The following RYR1 variants were observed in gnomAD, a reference collection of about 807,000 sequenced individuals.
The protein encoded by RYR1 is ryanodine receptor 1, also known as central core disease of muscle.
In RYR1, 342 loss-of-function variants were observed where a neutral mutation model predicts 583.5. The ratio of observed to expected loss-of-function variants is 0.59; its 90% CI spans 0.54 to 0.64. The LOEUF (loss-of-function observed/expected upper bound fraction) is 0.64. Ranked by LOEUF, RYR1 falls within the 30% of genes least tolerant of loss-of-function variation. The pLI is 0.00. For missense variants in RYR1, 6,032 were observed against 6,917.2 expected (o/e 0.87, Z 4.54); for synonymous variants, 2,791 against 2,822.5 (o/e 0.99, Z 0.35).
chr19:38,580,860 T>C (rs924195054), intron 101 of RYR1, among the ~76,000 whole-genome samples: 3 of 150,886 alleles, frequency 2.0e-5, no homozygotes, highest in Non-Finnish European at 4.4e-5. Context: ...AAAATGAAAA[T>C]AGTACCTACA....
chr19:38,528,474 A>G, intron 74 of RYR1, 56 bp downstream of exon 74: 2 of 1,601,372 alleles, frequency 1.2e-6, no homozygotes, highest in South Asian at 2.2e-5. Context: ...GGGTGGCTGG[A>G]GAGTCTGGAG....
chr19:38,538,837 T>G (rs1393828947), intron 84 of RYR1, among the ~76,000 whole-genome samples: 2 of 152,210 alleles, frequency 1.3e-5, no homozygotes, highest in East Asian at 3.8e-4. Context: ...TGATGAGAAA[T>G]GCAGTCTCAT....
chr19:38,547,235 T>G (rs1333785979), intron 88 of RYR1, among the ~76,000 whole-genome samples: 2 of 148,702 alleles, frequency 1.3e-5, no homozygotes, highest in African/African-American at 2.5e-5. Context: ...GTATTTTTAG[T>G]AGAGACGGGG....
In RYR1 at chr19:38,467,664, A is replaced by C. The variant is rs768038209; in HGVS notation, c.3233A>C (p.Lys1078Thr). 1 of 1,614,222 alleles carries C rather than the reference A, an allele frequency of 6.2e-7. No individual in the cohort carries two copies. Among genetic ancestry groups the C allele is most frequent in the Non-Finnish European group, 8.5e-7 (1 of 1,180,042 alleles). ...CDRVRIFRAE[K>T]SYTVQSGRWY... ...CGGGTGCGCATCTTCCGGGCAGAGAAATCCTATACAGTGCAGAGCGGCCGC... is the reference window on the plus strand; with the variant it reads ...CGGGTGCGCATCTTCCGGGCAGAGACATCCTATACAGTGCAGAGCGGCCGC... The change falls in exon 25 of 106, where the codon AAA (lysine) becomes ACA (threonine). Residue 1078 changes from lysine to threonine, a missense_variant. Physicochemically the swap from Lys to Thr is moderately conservative, Grantham distance 78. Around this residue, in one of 11 missense-constraint regions of RYR1, gnomAD observed 2,627 missense variants for 2,961.3 expected, o/e 0.89. Coordinates refer to ENST00000359596, the MANE Select transcript of RYR1 (RefSeq NM_000540.3).
chr19:38,585,062 CT>C lies in RYR1; in HGVS notation c.14768del (p.Phe4923SerfsTer14). 6.2e-7 allele frequency: 1 copy of C among 1,614,022 alleles called. No individual in the cohort carries two copies. Among genetic ancestry groups the C allele is most frequent in the Non-Finnish European group, 8.5e-7 (1 of 1,179,980 alleles). On this transcript the variant is annotated frameshift_variant, in exon 102 of 106. Transcript: ENST00000359596. LOFTEE classifies it high-confidence loss of function. ...GGGTGGTCTTCGACATCACCTTCTT[CT>C]TCTTCGTCATCGTCATCCTGTTGGC... ...YRVVFDITFFFFVIVILLAII... is the reference protein window; with the variant it reads ...YRVVFDITFFXFVIVILLAII...
At chr19:38,485,543 A>G (rs377045685) in intron 33 of RYR1, 47 bp from the exon 34 acceptor site, 3 of 1,602,398 alleles carry the variant, frequency 1.9e-6, no homozygotes, top group African/African-American at 2.7e-5. Context: ...TGACTGATGC[A>G]GGAGGCTCAT....
chr19:38,493,865 C>T (rs1008860721), intron 38 of RYR1, among the ~76,000 whole-genome samples: 1 of 152,132 alleles, frequency 6.6e-6, no homozygotes, highest in Non-Finnish European at 1.5e-5. Context: ...TGACATGTGC[C>T]TTCAAAGGTG....
Position 38,494,588 on chromosome 19 carries a change from G to A in RYR1, c.6511G>A (p.Gly2171Ser), listed in dbSNP as rs778313936. Reference sequence around the variant, plus strand: ...CCGCTCGCTGCTCATCGTGCAGATGGGCCCCCAGGAGGAGAACCTCATGAT... The same window carrying A: ...CCGCTCGCTGCTCATCGTGCAGATGAGCCCCCAGGAGGAGAACCTCATGAT... Reference protein sequence around the residue: ...QIRSLLIVQMGPQEENLMIQS... With the variant: ...QIRSLLIVQMSPQEENLMIQS... The change falls in exon 39 of 106, where the codon GGC becomes AGC. Residue 2171 changes from glycine (G) to serine (S), a missense_variant. Physicochemically the swap from Gly to Ser is moderately conservative, Grantham distance 56. This residue lies in a region of RYR1 where 2,627 missense variants were observed against 2,961.3 expected (regional missense o/e 0.89). Transcript: ENST00000359596. 1.2e-6 allele frequency: 2 copies of A among 1,614,130 alleles called. No homozygotes were observed. The highest frequency in any genetic ancestry group is 1.7e-6 in the Non-Finnish European group (2 of 1,180,034).
rs193922774 is a variant in RYR1 at position 38,460,469 on chromosome 19, C to T, written c.2455C>T (p.Arg819Ter). 3 of 1,614,216 alleles carry T rather than the reference C, an allele frequency of 1.9e-6. No homozygotes were observed. Among genetic ancestry groups the T allele is most frequent in the Admixed American group, 1.7e-5 (1 of 60,026 alleles). Residue 819 changes from arginine to a stop codon, truncating the protein, a stop_gained, in exon 20 of 106, where the codon CGA becomes TGA. Coordinates refer to ENST00000359596, the MANE Select transcript of RYR1 (RefSeq NM_000540.3). LOFTEE classifies it high-confidence loss of function. ...PCHEAVLPRE[R>*]LHLEPIKEYR... ...CCATGAGGCTGTGCTCCCTCGAGAG[C>T]GACTCCATCTTGAACCCATCAAGGA...
chr19:38,546,921 C>T (rs1447379781), intron 88 of RYR1, among the ~76,000 whole-genome samples: 1 of 149,928 alleles, frequency 6.7e-6, no homozygotes, highest in African/African-American at 2.5e-5. Context: ...CACTGCACTC[C>T]AGCCTGGGTG....
chr19:38,437,590 C>T lies in RYR1; in HGVS notation c.46-3155C>T, dbSNP rs144621518. 1.7e-3 allele frequency among the ~76,000 whole-genome samples: 255 copies of T among 152,106 alleles called. 4 individuals are homozygous for T. Among genetic ancestry groups the T allele is most frequent in the Middle Eastern group, 6.8e-3 (2 of 294 alleles). On this transcript the variant is annotated intron_variant, in intron 1 of 105. Coordinates refer to ENST00000359596, the MANE Select transcript of RYR1 (RefSeq NM_000540.3). ...TTCGCTTTGGGAGGCTGAAGCAGGACGATTGCTTGAGGCCGGGAGTTCAAA... is the reference window on the plus strand; with the variant it reads ...TTCGCTTTGGGAGGCTGAAGCAGGATGATTGCTTGAGGCCGGGAGTTCAAA...
rs1974421018 is a variant in RYR1, at chr19:38,585,235, C to T, written c.14803+136C>T. On this transcript the variant is annotated intron_variant, in intron 102 of 105. Transcript: ENST00000359596. ...CTACTGTGAGACCTTGGGCAAGTCA[C>T]CTCTCGGGGCCTCCGTTTCTCCATC... The T allele has an allele frequency of 5.0e-6, 5 of 1,003,126 alleles. No individual in the cohort carries two copies. In the East Asian group the frequency reaches 1.1e-4, roughly 21 times the overall value. The allele number at this position is 1,003,126 out of a possible 1,614,324, so 62.1% of individuals were successfully genotyped here.
intron 101 of RYR1, among the ~76,000 whole-genome samples, chr19:38,582,751 C>T (rs1974272708): frequency 2.0e-5 from 3 of 152,040 alleles, no homozygotes; most frequent in Non-Finnish European, 1.5e-5. Context: ...CAAATTGATG[C>T]GAACTTACTA....
rs1039091221 is a variant in RYR1 at position 38,561,718 on chromosome 19, A to G, written c.12624+264A>G. On this transcript the variant is annotated intron_variant, in intron 90 of 105. Transcript: ENST00000359596. This position sits in a 1 kb window ranked among gnomAD's most constrained non-coding sequence, Gnocchi z 4.8. ...CATGAAGCAGGGTCAGTGTGTCCTG[A>G]CTGTGGCTGCTCACACGCCATGCTT... Among the ~76,000 whole-genome samples the G allele has an allele frequency of 6.6e-6, 1 of 152,078 alleles. No individual in the cohort carries two copies. The highest frequency in any genetic ancestry group is 2.4e-5 in the African/African-American group (1 of 41,396).
At position 38,511,998 on chromosome 19, in the gene RYR1, G is replaced by A. The variant is rs535780044; in HGVS notation, c.9173-74G>A. On this transcript the variant is annotated intron_variant, in intron 61 of 105. Coordinates refer to ENST00000359596, the MANE Select transcript of RYR1 (RefSeq NM_000540.3). Reference sequence around the variant, plus strand: ...GTAGCCTCAGGAAGAGAGCGGTTGGGGTGGATGTAGAGGGAGGCACTGTCC... The same window carrying A: ...GTAGCCTCAGGAAGAGAGCGGTTGGAGTGGATGTAGAGGGAGGCACTGTCC... 9 of 1,516,440 alleles carry A rather than the reference G, an allele frequency of 5.9e-6. No individual in the cohort carries two copies. In the East Asian group the frequency reaches 1.9e-4, roughly 31 times the overall value. 93.9% of individuals were successfully genotyped at this position (1,516,440 alleles called of 1,614,324 possible).
At chr19:38,502,765 G>GGGCAGA (rs1555784511) in intron 48 of RYR1, 38 bp downstream of exon 48, 4 of 813,812 alleles carry the variant, frequency 4.9e-6, no homozygotes, top group Middle Eastern at 3.7e-4. Context: ...GCAGGGGCAG[G>GGGCAGA]GGCAGGGGCA....
At chr19:38,490,390 C>G in intron 36 of RYR1, 114 bp downstream of exon 36, 2 of 1,046,754 alleles carry the variant, frequency 1.9e-6, no homozygotes, top group East Asian at 5.2e-5. Context: ...ACCCCTGACC[C>G]TAGTGATACA....
rs200451188 is a variant in RYR1, at chr19:38,473,583, G to C, written c.3972G>C (p.Ala1324=). 6.3e-7 allele frequency: 1 copy of C among 1,588,678 alleles called. No homozygotes were observed. The highest frequency in any genetic ancestry group is 8.6e-7 in the Non-Finnish European group (1 of 1,167,866). The change falls in exon 28 of 106, where the codon GCG becomes GCC. Residue 1324 remains alanine (A), a synonymous_variant. Coordinates refer to ENST00000359596, the MANE Select transcript of RYR1 (RefSeq NM_000540.3). ...CCCCCGCCGAGGACGAGGCCCGGGC[G>C]GCGGAACCCGACCCTGACTACGAAA... ...LQPPAEDEAR[A]AEPDPDYENL...
In RYR1 at chr19:38,502,689, G is replaced by T; in HGVS notation, c.7797G>T (p.Gln2599His). 1 of 1,608,230 alleles carries T rather than the reference G, an allele frequency of 6.2e-7. No individual in the cohort carries two copies. ...LSRGRSLTKA[Q>H]RDVIEDCLMS... ...GGGGTCGTTCGCTCACCAAGGCGCA[G>T]CGTGACGTCATCGAGGACTGCCTCA... Residue 2599 changes from glutamine to histidine, a missense_variant, in exon 48 of 106, where the codon CAG (glutamine) becomes CAT (histidine). Gln to His is a conservative substitution (Grantham distance 24, BLOSUM62 0). This residue lies in a region of RYR1 where 250 missense variants were observed against 162.3 expected (regional missense o/e 1.54). Coordinates refer to ENST00000359596, the MANE Select transcript of RYR1 (RefSeq NM_000540.3).
Sources: gnomAD v4.1 joint callset for allele counts (sites outside exome capture counted in the v4.1 genomes callset) on GRCh38, gnomAD v4.1.1 for gene constraint, gnomAD v4.1.1 regional missense constraint, Gnocchi (gnomAD v3.1) non-coding constraint, MANE v1.5 for transcripts, NCBI Gene and HGNC (gene_info 2026-07-23, HGNC 2026-07-21) for gene names.